XRCC5: variants seen among roughly 807,000 people sequenced by gnomAD.
XRCC5 encodes the protein X-ray repair cross complementing 5.
Under a neutral mutation model 95.7 loss-of-function variants are expected in XRCC5, and 12 were observed. The ratio of observed to expected loss-of-function variants is 0.13; its 90% CI spans 0.08 to 0.20. XRCC5 has a LOEUF of 0.20. XRCC5 is among the 10% of genes least tolerant of loss of function. XRCC5 has a pLI of 1.00. For missense variants in XRCC5, 595 were observed against 873.9 expected (o/e 0.68, Z 4.02); for synonymous variants, 281 against 290.3 (o/e 0.97, Z 0.33).
intron 16 of XRCC5, among the ~76,000 whole-genome samples, chr2:216,166,907 T>C (rs1042418483): frequency 6.6e-5 from 10 of 152,128 alleles, no homozygotes; most frequent in African/African-American, 2.4e-4. Context: ...AGGATGGATA[T>C]ATGGGGACAG....
chr2:216,117,508 T>C (rs1696721171), intron 3 of XRCC5: 1 of 484,876 alleles, frequency 2.1e-6, no homozygotes, highest in African/African-American at 1.9e-5. Flanking sequence ...ATGAATGCAA[T>C]GTGTTAGATT....
At chr2:216,123,975 A>C (rs1450945138) in intron 6 of XRCC5, among the ~76,000 whole-genome samples, 1 of 152,242 alleles carries the variant, frequency 6.6e-6, no homozygotes, top group Non-Finnish European at 1.5e-5. Context: ...TGTAGACCAG[A>C]ACTTTGCCAT....
chr2:216,187,811 ACACACACACACTCTCTCTCT>A (rs1689526089), intron 16 of XRCC5, among the ~76,000 whole-genome samples: 2 of 108,696 alleles, frequency 1.8e-5, no homozygotes, highest in Non-Finnish European at 3.6e-5. Context: ...ACACACACAC[ACACACACACACTCTCTCTCT>A]CTCTCTCTCT....
chr2:216,204,519 G>A (rs1035628622), intron 20 of XRCC5, 123 bp downstream of exon 20: 28 of 990,452 alleles, frequency 2.8e-5, no homozygotes, highest in Non-Finnish European at 4.4e-5. Context: ...CAATACACCA[G>A]AAGCTTCCTA....
At chr2:216,127,841 G>C in intron 8 of XRCC5, 167 bp downstream of exon 8, 3 of 687,438 alleles carry the variant, frequency 4.4e-6, no homozygotes, top group Non-Finnish European at 6.5e-6. Context: ...CTCATTTGTT[G>C]GGTCTTAGGC....
Position 216,205,350 on chromosome 2 carries a change from T to C in XRCC5, c.*148T>C. ...CCTGGAGGCGGATCATCTAATTCTC[T>C]GTGGAATGAATACACACATATATAT... On this transcript the variant is annotated 3_prime_UTR_variant, in exon 21 of 21. Transcript: ENST00000392132. 1.1e-6 allele frequency: 1 copy of C among 871,940 alleles called. No homozygotes were observed. The highest frequency in any genetic ancestry group is 1.9e-6 in the Non-Finnish European group (1 of 514,844). 54.0% of individuals were successfully genotyped at this position (871,940 alleles called of 1,614,324 possible).
At chr2:216,167,323 T>C (rs1028878727) in intron 16 of XRCC5, among the ~76,000 whole-genome samples, 3 of 152,174 alleles carry the variant, frequency 2.0e-5, no homozygotes, top group South Asian at 2.1e-4. Context: ...TTAAAAGATA[T>C]TTCCTAAAAT....
chr2:216,117,217 C>T (rs1696713677), intron 3 of XRCC5: 1 of 194,136 alleles, frequency 5.2e-6, no homozygotes, highest in Admixed American at 5.4e-5. Flanking sequence ...TCCCAATGTT[C>T]TCTCCTTTTT....
At chr2:216,168,750 A>G (rs1020058975) in intron 16 of XRCC5, among the ~76,000 whole-genome samples, 2 of 152,266 alleles carry the variant, frequency 1.3e-5, no homozygotes, top group Admixed American at 1.3e-4. Flanking sequence ...TATTTCTTAT[A>G]AAGGGTTACA....
chr2:216,132,354 A>G lies in XRCC5; in HGVS notation c.1080A>G (p.Gln360=). ...QVQRRFFMGN[Q]VLKVFAARDD... ...AGAGAAGATTCTTCATGGGAAATCA[A>G]GTTCTAAAGGTCTTTGCAGCAAGAG... is the stretch of plus-strand genomic sequence containing the variant. The change falls in exon 10 of 21, where the codon CAA becomes CAG. Residue 360 remains glutamine, a synonymous_variant. Transcript: ENST00000392132. 2 of 1,614,016 alleles carry G rather than the reference A, an allele frequency of 1.2e-6. No individual in the cohort carries two copies. The highest frequency in any genetic ancestry group is 8.5e-7 in the Non-Finnish European group (1 of 1,179,902).
intron 9 of XRCC5, among the ~76,000 whole-genome samples, 181 bp from the exon 10 acceptor site, chr2:216,132,144 G>T (rs562777828): frequency 2.6e-4 from 40 of 152,166 alleles, no homozygotes; most frequent in Non-Finnish European, 4.9e-4. Flanking sequence ...AATCTTGAAC[G>T]CATGCTGGGT....
At chr2:216,138,238 C>G in intron 12 of XRCC5, 59 bp downstream of exon 12, 2 of 1,482,654 alleles carry the variant, frequency 1.3e-6, no homozygotes, top group Admixed American at 3.4e-5. Context: ...TGGGAAATCA[C>G]CTGTCTGCTA....
intron 16 of XRCC5, among the ~76,000 whole-genome samples, chr2:216,180,452 C>A (rs527830160): frequency 6.6e-6 from 1 of 152,142 alleles, no homozygotes; most frequent in Non-Finnish European, 1.5e-5. Flanking sequence ...ATGGCAAAAC[C>A]CCATCTCTAC....
intron 16 of XRCC5, among the ~76,000 whole-genome samples, chr2:216,164,153 A>G (rs1689007415): frequency 6.6e-6 from 1 of 152,212 alleles, no homozygotes; most frequent in South Asian, 2.1e-4. Context: ...TGCTGCTGTG[A>G]CAAGTCAATG....
chr2:216,192,422 T>G (rs1689630504), intron 17 of XRCC5, among the ~76,000 whole-genome samples: 1 of 152,222 alleles, frequency 6.6e-6, no homozygotes, highest in African/African-American at 2.4e-5. Context: ...AAAAACTGAC[T>G]CTGGGAAGCT....
chr2:216,142,103 C>G (rs1211589420), intron 13 of XRCC5, among the ~76,000 whole-genome samples: 2 of 152,050 alleles, frequency 1.3e-5, no homozygotes, highest in East Asian at 3.9e-4. Context: ...AACTCCTAGG[C>G]TCAAGCATTC....
chr2:216,168,598 A>G (rs1689095620), intron 16 of XRCC5, among the ~76,000 whole-genome samples: 2 of 152,212 alleles, frequency 1.3e-5, no homozygotes, highest in Non-Finnish European at 2.9e-5. Flanking sequence ...ATTACAGGAT[A>G]TAGCTCTTGT....
chr2:216,115,389 A>G (rs561990847), intron 2 of XRCC5, among the ~76,000 whole-genome samples: 11 of 152,266 alleles, frequency 7.2e-5, no homozygotes, highest in African/African-American at 2.2e-4. Context: ...CTCCCCTCCC[A>G]TGACTGAGAT....
intron 7 of XRCC5, among the ~76,000 whole-genome samples, chr2:216,126,633 A>G (rs940312580): frequency 6.6e-6 from 1 of 152,310 alleles, no homozygotes; most frequent in Non-Finnish European, 1.5e-5. Context: ...TTTTTCCTTT[A>G]AGTGTTCAAA....
Sources: gnomAD v4.1 joint callset for allele counts (sites outside exome capture counted in the v4.1 genomes callset) on GRCh38, gnomAD v4.1.1 for gene constraint, MANE v1.5 for transcripts, NCBI Gene and HGNC (gene_info 2026-07-23, HGNC 2026-07-21) for gene names.